Variants in TBL1X observed in about 807,000 individuals in gnomAD.
The protein encoded by TBL1X is transducin beta like 1 X-linked, also known as F-box-like/WD repeat-containing protein TBL1X.
Under a neutral mutation model 50.7 loss-of-function variants are expected in TBL1X, and 10 were observed. The ratio of observed to expected loss-of-function variants is 0.20; its 90% CI spans 0.12 to 0.33. TBL1X has a LOEUF of 0.33. Ranked by LOEUF, TBL1X falls within the 10% of genes least tolerant of loss-of-function variation. The pLI is 1.00. For synonymous variants in TBL1X, 190 were observed against 214.7 expected (o/e 0.88, Z 1.01); for missense variants, 340 against 504.4 (o/e 0.67, Z 3.12).
intron 2 of TBL1X, among the ~76,000 whole-genome samples, chrX:9,620,857 G>GAC (rs1335282283): frequency 1.8e-5 from 2 of 112,021 alleles, no homozygotes; most frequent in African/African-American, 6.5e-5. Flanking sequence ...GGACTGTGAT[G>GAC]ACTCCCACTG....
chrX:9,567,804 G>T (rs1433142201), intron 2 of TBL1X, among the ~76,000 whole-genome samples: 4 of 112,017 alleles, frequency 3.6e-5, no homozygotes, highest in African/African-American at 1.3e-4. Flanking sequence ...TTAAACTACA[G>T]CCTCATTCTC....
intron 2 of TBL1X, among the ~76,000 whole-genome samples, chrX:9,554,625 A>G (rs534926450): frequency 1.8e-5 from 2 of 112,535 alleles, no homozygotes; most frequent in Non-Finnish European, 3.7e-5. Context: ...AATTGGAAGT[A>G]GTCTAGTTTT....
chrX:9,663,726 A>G (rs1283218253), intron 5 of TBL1X, among the ~76,000 whole-genome samples: 2 of 102,301 alleles, frequency 2.0e-5, no homozygotes, highest in Non-Finnish European at 3.9e-5. Context: ...GCACAGCTGC[A>G]CTCCAGCCTG....
intron 3 of TBL1X, among the ~76,000 whole-genome samples, chrX:9,650,354 T>TC (rs1555904483): frequency 8.1e-5 from 9 of 111,243 alleles, no homozygotes; most frequent in African/African-American, 2.9e-4. Flanking sequence ...CTTTTTTTTT[T>TC]CCCCCAGAGT....
chrX:9,558,449 G>A (rs907426142), intron 2 of TBL1X, among the ~76,000 whole-genome samples: 1 of 109,551 alleles, frequency 9.1e-6, no homozygotes, highest in Non-Finnish European at 1.9e-5. Context: ...CCTGGGAGGT[G>A]CAGGCTGCAG....
chrX:9,514,428 C>T (rs1331518530), intron 2 of TBL1X, among the ~76,000 whole-genome samples: 3 of 111,249 alleles, frequency 2.7e-5, no homozygotes, highest in African/African-American at 9.8e-5. Flanking sequence ...GGTTCGTTGC[C>T]TGTGTTTGTT....
chrX:9,552,841 C>T (rs774427733), intron 2 of TBL1X, among the ~76,000 whole-genome samples: 136 of 111,798 alleles, frequency 1.2e-3, no homozygotes, highest in Non-Finnish European at 1.9e-3. Flanking sequence ...ACTTTGTGGA[C>T]GTGGTTTAAG....
intron 2 of TBL1X, among the ~76,000 whole-genome samples, chrX:9,631,028 T>C (rs2082718774): frequency 8.9e-6 from 1 of 111,963 alleles, no homozygotes; most frequent in Non-Finnish European, 1.9e-5. Context: ...AGTAACGATA[T>C]ACATGTATTC....
intron 2 of TBL1X, among the ~76,000 whole-genome samples, chrX:9,502,925 C>G (rs2082008470): frequency 8.9e-6 from 1 of 112,483 alleles, no homozygotes; most frequent in Non-Finnish European, 1.9e-5. Flanking sequence ...CTGCAGAACT[C>G]ACGAAGGTCA....
chrX:9,536,863 C>T (rs906757466), intron 2 of TBL1X, among the ~76,000 whole-genome samples: 1 of 111,765 alleles, frequency 8.9e-6, no homozygotes, highest in Non-Finnish European at 1.9e-5. Context: ...ACATTTTCTC[C>T]TCTCGCACCA....
chrX:9,589,056 G>A (rs2082486111), intron 2 of TBL1X, among the ~76,000 whole-genome samples: 1 of 111,307 alleles, frequency 9.0e-6, no homozygotes, highest in Non-Finnish European at 1.9e-5. Context: ...GGCATCATGA[G>A]GAATAAAATT....
Position 9,466,589 on chromosome X carries a change from TG to T in TBL1X, c.-201+1144del, listed in dbSNP as rs766452353. 4.2e-3 allele frequency among the ~76,000 whole-genome samples: 473 copies of T among 112,564 alleles called. 5 individuals carry two copies. The highest frequency in any genetic ancestry group is 0.015 in the African/African-American group (456 of 31,030). ...GTCATGTGTGGTTTGACCTGCCTTTTGGATGTTTTCCTCTCCTGAAACATCG... is the reference window on the plus strand; with the variant it reads ...GTCATGTGTGGTTTGACCTGCCTTTTGATGTTTTCCTCTCCTGAAACATCG... On this transcript the variant is annotated intron_variant, in intron 1 of 17. Coordinates refer to ENST00000645353, the MANE Select transcript of TBL1X (RefSeq NM_005647.4).
Position 9,703,665 on chromosome X carries a change from C to T in TBL1X, c.1115-1328C>T, listed in dbSNP as rs192442222. On this transcript the variant is annotated intron_variant, in intron 12 of 17. Transcript: ENST00000645353. ...GGATGAGAGTGCACGGGGGCCCCCA[C>T]CGTGGGAACTTCCACACCTCCAGCG... 2.6e-3 allele frequency among the ~76,000 whole-genome samples: 288 copies of T among 111,911 alleles called. 2 individuals are homozygous for T. Among genetic ancestry groups the T allele is most frequent in the African/African-American group, 8.9e-3 (273 of 30,829 alleles).
At chrX:9,497,669 A>G (rs1467251972) in intron 1 of TBL1X, among the ~76,000 whole-genome samples, 3 of 109,613 alleles carry the variant, frequency 2.7e-5, no homozygotes, top group Non-Finnish European at 3.8e-5. Flanking sequence ...GTGTGCTTCC[A>G]TTTAGAAGGC....
intron 2 of TBL1X, among the ~76,000 whole-genome samples, chrX:9,633,129 T>C (rs1022040605): frequency 2.7e-5 from 3 of 112,795 alleles, no homozygotes; most frequent in Non-Finnish European, 5.6e-5. Context: ...TCTTTGCTTT[T>C]AATTTATAGC....
intron 5 of TBL1X, among the ~76,000 whole-genome samples, chrX:9,675,618 T>C (rs1340965411): frequency 9.0e-6 from 1 of 111,503 alleles, no homozygotes; most frequent in Non-Finnish European, 1.9e-5. Context: ...GCGCGGTAGC[T>C]CACGCCCAGC....
chrX:9,484,263 C>G (rs1264126487), intron 1 of TBL1X, among the ~76,000 whole-genome samples: 1 of 111,655 alleles, frequency 9.0e-6, no homozygotes, highest in African/African-American at 3.3e-5. Flanking sequence ...CTTGGCCTTC[C>G]AAAGTGCTAG....
chrX:9,684,769 T>TA (rs2083047376), intron 6 of TBL1X, among the ~76,000 whole-genome samples: 1 of 111,779 alleles, frequency 8.9e-6, no homozygotes, highest in Admixed American at 9.5e-5. Context: ...TGTAAACACT[T>TA]ACACCGCCAC....
chrX:9,633,645 C>A (rs770290139), intron 2 of TBL1X, among the ~76,000 whole-genome samples: 9 of 111,904 alleles, frequency 8.0e-5, no homozygotes, highest in African/African-American at 2.6e-4. Flanking sequence ...TCATTTTAGT[C>A]AAGTACTGTC....
Sources: allele counts gnomAD v4.1 joint callset (sites outside exome capture counted in the v4.1 genomes callset), GRCh38; gene constraint gnomAD v4.1.1; transcripts MANE v1.5; gene names NCBI Gene and HGNC (gene_info 2026-07-23, HGNC 2026-07-21).